The following ZZEF1 variants were observed in gnomAD, a reference collection of about 807,000 sequenced individuals.
ZZEF1 encodes the protein zinc finger ZZ-type and EF-hand domain containing 1.
In ZZEF1, 157 loss-of-function variants were observed where a neutral mutation model predicts 342.8. That is an observed-to-expected ratio of 0.46 (90% CI 0.40 to 0.52). The LOEUF is 0.52. Among genes scored for constraint, ZZEF1 ranks in the 20% least tolerant of loss-of-function variants. The pLI is 0.00. For missense variants in ZZEF1, 3,480 were observed against 3,725.6 expected (o/e 0.93, Z 1.72); for synonymous variants, 1,505 against 1,429.1 (o/e 1.05, Z -1.20).
At chr17:4,107,315 A>T (rs2058228137) in intron 6 of ZZEF1, among the ~76,000 whole-genome samples, 1 of 152,220 alleles carries the variant, frequency 6.6e-6, no homozygotes, top group African/African-American at 2.4e-5. Flanking sequence ...CTTCAAAAAA[A>T]ATATAGAAAC....
rs1469744572 is a variant in ZZEF1, at chr17:4,021,122, A to G, written c.7404+7T>C. On this transcript the variant is annotated splice_region_variant and intron_variant, in intron 45 of 54. Coordinates refer to ENST00000381638, the MANE Select transcript of ZZEF1 (RefSeq NM_015113.4). ...CTCCTAAGCCACAAGATGACTCAAG[A>G]ACACACCAAGAAACATATTCTGGTG... 2.5e-6 allele frequency: 4 copies of G among 1,605,768 alleles called. No individual in the cohort carries two copies. Among genetic ancestry groups the G allele is most frequent in the South Asian group, 1.1e-5 (1 of 90,034 alleles).
intron 39 of ZZEF1, among the ~76,000 whole-genome samples, chr17:4,036,495 G>A (rs1310178595): frequency 6.6e-6 from 1 of 152,050 alleles, no homozygotes; most frequent in Non-Finnish European, 1.5e-5. Flanking sequence ...AGCACTTTGG[G>A]AGGCCGAGGT....
chr17:4,049,228 C>T (rs1597811240), intron 37 of ZZEF1, among the ~76,000 whole-genome samples: 1 of 152,064 alleles, frequency 6.6e-6, no homozygotes, highest in Admixed American at 6.6e-5. Flanking sequence ...AAAACTGAGG[C>T]AGGCTGGGTG....
At chr17:4,028,782 C>T (rs1318321598) in intron 42 of ZZEF1, among the ~76,000 whole-genome samples, 1 of 152,132 alleles carries the variant, frequency 6.6e-6, no homozygotes, top group Non-Finnish European at 1.5e-5. Flanking sequence ...CCTCTGGATG[C>T]AAAACCCACA....
At chr17:4,074,800 G>C (rs768771735) in intron 23 of ZZEF1, among the ~76,000 whole-genome samples, 1 of 152,204 alleles carries the variant, frequency 6.6e-6, no homozygotes, top group Non-Finnish European at 1.5e-5. Context: ...TCTTGCTAAG[G>C]ATGAAGGCTC....
At chr17:4,013,822 T>C (rs1418993439) in intron 51 of ZZEF1, among the ~76,000 whole-genome samples, 3 of 152,228 alleles carry the variant, frequency 2.0e-5, no homozygotes, top group African/African-American at 7.2e-5. Flanking sequence ...TCCTCCTTTT[T>C]TCAAAATGCC....
chr17:4,141,530 C>T (rs547878319), intron 1 of ZZEF1, among the ~76,000 whole-genome samples: 2 of 152,048 alleles, frequency 1.3e-5, no homozygotes, highest in South Asian at 4.2e-4. Context: ...ACATTAAAAA[C>T]AAAAAATAGG....
intron 45 of ZZEF1, 53 bp downstream of exon 45, chr17:4,021,076 G>C: frequency 2.0e-6 from 3 of 1,526,320 alleles, no homozygotes; most frequent in Non-Finnish European, 2.6e-6. Context: ...GGGCCAAAGA[G>C]AAGCCATCCC....
intron 39 of ZZEF1, among the ~76,000 whole-genome samples, chr17:4,036,801 ACACACACACACACACACTCTCTCT>A (rs1179533183): frequency 0.085 from 9,235 of 108,906 alleles, 1,037 homozygotes; most frequent in African/African-American, 0.34. Context: ...ACACACACAC[ACACACACACACACACACTCTCTCT>A]CTCTCTCTCT....
chr17:4,082,812 G>A (rs2057749049), intron 16 of ZZEF1, among the ~76,000 whole-genome samples: 1 of 152,112 alleles, frequency 6.6e-6, no homozygotes, highest in Admixed American at 6.5e-5. Context: ...TTTCGCTCTT[G>A]TTGCCTGGGC....
intron 52 of ZZEF1, among the ~76,000 whole-genome samples, chr17:4,011,695 CT>C (rs200732902): frequency 7.3e-5 from 11 of 151,438 alleles, no homozygotes; most frequent in African/African-American, 1.5e-4. Context: ...TTGGATTTTG[CT>C]TTTTTTTAAA....
At chr17:4,023,076 G>A (rs1050020053) in intron 43 of ZZEF1, among the ~76,000 whole-genome samples, 5 of 152,088 alleles carry the variant, frequency 3.3e-5, no homozygotes, top group African/African-American at 7.2e-5. Context: ...CTGCTTCTCC[G>A]GCTGCGCCCC....
chr17:4,051,809 G>T (rs1179871336), intron 35 of ZZEF1, among the ~76,000 whole-genome samples, 162 bp downstream of exon 35: 1 of 150,656 alleles, frequency 6.6e-6, no homozygotes, highest in Non-Finnish European at 1.5e-5. Flanking sequence ...TGCTGAACCT[G>T]GGTAATGGGT....
At chr17:4,072,319 C>A (rs1391187250) in intron 25 of ZZEF1, among the ~76,000 whole-genome samples, 2 of 152,230 alleles carry the variant, frequency 1.3e-5, no homozygotes, top group Non-Finnish European at 2.9e-5. Flanking sequence ...TCAGTAGGCA[C>A]TAGAAGTACA....
Position 4,142,809 on chromosome 17 carries a change from C to A in ZZEF1, c.87G>T (p.Ala29=). ...CCGGGCCGGGGGTCGTGCCCGAGACCGCGGCCCAGTCCTGGTGTGGGCCCC... is the reference window on the plus strand; with the variant it reads ...CCGGGCCGGGGGTCGTGCCCGAGACAGCGGCCCAGTCCTGGTGTGGGCCCC... ...EGWGPHQDWA[A]VSGTTPGPGV... is the part of the protein sequence containing the mutation. The change falls in exon 1 of 55, where the codon GCG becomes GCT. Residue 29 remains alanine, a synonymous_variant. Transcript: ENST00000381638. 7.1e-7 allele frequency: 1 copy of A among 1,402,846 alleles called. No individual in the cohort carries two copies. Among genetic ancestry groups the A allele is most frequent in the Non-Finnish European group, 9.2e-7 (1 of 1,090,354 alleles). 86.9% of individuals were successfully genotyped at this position (1,402,846 alleles called of 1,614,324 possible).
Position 4,017,758 on chromosome 17 carries a change from G to A in ZZEF1, c.7642-28C>T. 6.2e-7 allele frequency: 1 copy of A among 1,612,824 alleles called. No homozygotes were observed. Among genetic ancestry groups the A allele is most frequent in the Non-Finnish European group, 8.5e-7 (1 of 1,179,560 alleles). ...GCAAACCCAAGACCACCATTACAGA[G>A]GTCTAGCCTTCTTACAGTGGTGGTA... On this transcript the variant is annotated intron_variant, in intron 47 of 54. Coordinates refer to ENST00000381638, the MANE Select transcript of ZZEF1 (RefSeq NM_015113.4). This position sits in a 1 kb window ranked among gnomAD's most constrained non-coding sequence, Gnocchi z 5.1.
chr17:4,028,218 A>G (rs894290828), intron 42 of ZZEF1, among the ~76,000 whole-genome samples: 2 of 152,186 alleles, frequency 1.3e-5, no homozygotes, highest in African/African-American at 4.8e-5. Context: ...TCTATATGAC[A>G]TAAATCTCAC....
chr17:4,033,129 C>T, intron 40 of ZZEF1, 127 bp from the exon 41 acceptor site: 1 of 876,578 alleles, frequency 1.1e-6, no homozygotes, highest in African/African-American at 1.7e-5. Flanking sequence ...TTAAAAACTA[C>T]CAGAATAATG....
chr17:4,103,174 A>C (rs549819035), intron 8 of ZZEF1, among the ~76,000 whole-genome samples: 1 of 152,266 alleles, frequency 6.6e-6, no homozygotes, highest in South Asian at 2.1e-4. Context: ...ATAACCTTTC[A>C]AAATTTAGGG....
Sources: allele counts gnomAD v4.1 joint callset (sites outside exome capture counted in the v4.1 genomes callset), GRCh38; gene constraint gnomAD v4.1.1; non-coding constraint Gnocchi (gnomAD v3.1); transcripts MANE v1.5; gene names NCBI Gene and HGNC (gene_info 2026-07-23, HGNC 2026-07-21).